TBC1D22A: variants seen among roughly 807,000 people sequenced by gnomAD.
The protein encoded by TBC1D22A is TBC1 domain family member 22A, also known as putative GTPase activator.
TBC1D22A carries 38 observed loss-of-function variants against 60.2 expected under a neutral mutation model. The observed-to-expected ratio is 0.63, with a 90% CI of 0.49 to 0.83. The LOEUF is 0.83. Among genes scored for constraint, TBC1D22A ranks in the 40% least tolerant of loss-of-function variants. The probability of loss-of-function intolerance (pLI) is 0.00; values close to 1 mark genes in which losing one functional copy is unlikely to be tolerated. For missense variants in TBC1D22A, 628 were observed against 701.0 expected (o/e 0.90, Z 1.18); for synonymous variants, 302 against 281.7 (o/e 1.07, Z -0.72).
intron 12 of TBC1D22A, among the ~76,000 whole-genome samples, chr22:47,165,606 A>T (rs541194110): frequency 6.6e-6 from 1 of 152,256 alleles, no homozygotes; most frequent in African/African-American, 2.4e-5. Flanking sequence ...ATGGGACTGC[A>T]GTGTGGGTGC....
intron 4 of TBC1D22A, among the ~76,000 whole-genome samples, chr22:46,824,928 G>T (rs2085984879): frequency 6.6e-6 from 1 of 151,894 alleles, no homozygotes; most frequent in Non-Finnish European, 1.5e-5. Flanking sequence ...GTGGGCAGCT[G>T]GACACAGGTG....
chr22:46,762,681 C>A lies in TBC1D22A; in HGVS notation c.-106C>A. ...GCTTCTCGGCTCTAGGCTCTGGAGT[C>A]CCGGGAGCAGTGAGGGGCCACCCGG... On this transcript the variant is annotated 5_prime_UTR_variant, in exon 1 of 13. Transcript: ENST00000337137. 1 of 974,134 alleles carries A rather than the reference C, an allele frequency of 1.0e-6. No homozygotes were observed. The highest frequency in any genetic ancestry group is 1.4e-6 in the Non-Finnish European group (1 of 706,970). 60.3% of individuals were successfully genotyped at this position (974,134 alleles called of 1,614,324 possible).
chr22:47,135,416 A>C (rs1444273798), intron 12 of TBC1D22A, among the ~76,000 whole-genome samples: 1 of 152,202 alleles, frequency 6.6e-6, no homozygotes, highest in East Asian at 1.9e-4. Flanking sequence ...GTGAGAGTGA[A>C]CCAGAAAATA....
chr22:47,135,099 G>A (rs937041624), intron 12 of TBC1D22A, among the ~76,000 whole-genome samples: 4 of 152,230 alleles, frequency 2.6e-5, no homozygotes, highest in Non-Finnish European at 5.9e-5. Context: ...CACTGGCTGT[G>A]GCTCTGCTGC....
chr22:47,038,091 C>T (rs563175205), intron 11 of TBC1D22A, among the ~76,000 whole-genome samples: 56 of 152,246 alleles, frequency 3.7e-4, no homozygotes, highest in Non-Finnish European at 6.9e-4. Flanking sequence ...TTTGCTGAAG[C>T]GGAGGCGGTG....
intron 12 of TBC1D22A, among the ~76,000 whole-genome samples, chr22:47,170,973 G>T (rs905404877): frequency 1.8e-4 from 27 of 152,214 alleles, no homozygotes; most frequent in Non-Finnish European, 3.1e-4. Flanking sequence ...TGGCCGGGGG[G>T]CCTGCCTCAG....
intron 1 of TBC1D22A, among the ~76,000 whole-genome samples, chr22:46,787,492 T>G (rs1309440856): frequency 6.6e-6 from 1 of 152,204 alleles, no homozygotes; most frequent in African/African-American, 2.4e-5. Context: ...TTTTGAAAAG[T>G]TGGTTTACTG....
intron 12 of TBC1D22A, among the ~76,000 whole-genome samples, chr22:47,157,636 G>A (rs565292576): frequency 2.0e-5 from 3 of 152,332 alleles, no homozygotes; most frequent in African/African-American, 7.2e-5. Context: ...CGTGAGCTCC[G>A]TGTGGCCGTG....
chr22:47,162,549 A>G (rs1421413524), intron 12 of TBC1D22A, among the ~76,000 whole-genome samples: 2 of 152,192 alleles, frequency 1.3e-5, no homozygotes, highest in Admixed American at 6.5e-5. Flanking sequence ...CAGTGCACAG[A>G]TGAGCACCTT....
chr22:46,786,845 T>C (rs962529427), intron 1 of TBC1D22A, among the ~76,000 whole-genome samples: 1 of 152,074 alleles, frequency 6.6e-6, no homozygotes, highest in Non-Finnish European at 1.5e-5. Context: ...TGTGCCACCA[T>C]GCCCACTAGT....
intron 7 of TBC1D22A, among the ~76,000 whole-genome samples, chr22:46,904,134 T>TCTGC (rs1422224513): frequency 0.034 from 2,282 of 66,472 alleles, 35 homozygotes; most frequent in Middle Eastern, 0.082. Context: ...TATCTATCTA[T>TCTGC]CTATCTATCT....
At chr22:47,046,745 GAA>G (rs1349508290) in intron 11 of TBC1D22A, among the ~76,000 whole-genome samples, 1 of 152,194 alleles carries the variant, frequency 6.6e-6, no homozygotes, top group African/African-American at 2.4e-5. Flanking sequence ...GGTTTTAACT[GAA>G]GAGGAGCCAG....
intron 4 of TBC1D22A, among the ~76,000 whole-genome samples, chr22:46,801,757 C>T (rs1348768049): frequency 6.6e-6 from 1 of 152,244 alleles, no homozygotes; most frequent in South Asian, 2.1e-4. Context: ...CACGACGACC[C>T]GTCCGTCAAG....
chr22:47,003,756 GTACACACACATGCCTA>G (rs2061481099), intron 10 of TBC1D22A, among the ~76,000 whole-genome samples: 1 of 30,866 alleles, frequency 3.2e-5, no homozygotes, highest in Non-Finnish European at 6.7e-5. Flanking sequence ...CACACACACC[GTACACACACATGCCTA>G]TACACACACA....
chr22:47,157,853 A>G (rs2067787843), intron 12 of TBC1D22A, among the ~76,000 whole-genome samples: 1 of 151,862 alleles, frequency 6.6e-6, no homozygotes, highest in Non-Finnish European at 1.5e-5. Context: ...CCCACCCCCC[A>G]AGCCCTCATT....
chr22:47,150,734 G>A (rs1601683331), intron 12 of TBC1D22A, among the ~76,000 whole-genome samples: 1 of 152,150 alleles, frequency 6.6e-6, no homozygotes, highest in African/African-American at 2.4e-5. Flanking sequence ...GCCCCCTTCT[G>A]AGCCAGACCC....
chr22:46,792,020 C>A (rs547812214), intron 1 of TBC1D22A, among the ~76,000 whole-genome samples: 1 of 152,372 alleles, frequency 6.6e-6, no homozygotes, highest in South Asian at 2.1e-4. Flanking sequence ...CTTGGCCTCC[C>A]AAAGTGCTGG....
At chr22:46,989,759 T>TCTCACA (rs1555985791) in intron 9 of TBC1D22A, among the ~76,000 whole-genome samples, 6 of 146,068 alleles carry the variant, frequency 4.1e-5, no homozygotes, top group African/African-American at 1.5e-4. Flanking sequence ...TGTGACAGAG[T>TCTCACA]CACACACACA....
chr22:46,857,594 A>T (rs1239614832), intron 4 of TBC1D22A, among the ~76,000 whole-genome samples: 2 of 152,142 alleles, frequency 1.3e-5, no homozygotes, highest in African/African-American at 4.8e-5. Context: ...ATCACAGTCA[A>T]TTTCAGAACA....
Sources: allele counts gnomAD v4.1 joint callset (sites outside exome capture counted in the v4.1 genomes callset), GRCh38; gene constraint gnomAD v4.1.1; transcripts MANE v1.5; gene names NCBI Gene and HGNC (gene_info 2026-07-23, HGNC 2026-07-21).